FAM13A: variants seen among roughly 807,000 people sequenced by gnomAD.
FAM13A encodes the protein protein FAM13A.
FAM13A carries 76 observed loss-of-function variants against 129.6 expected under a neutral mutation model. That is an observed-to-expected ratio of 0.59 (90% CI 0.49 to 0.71). The LOEUF is 0.71. Among genes scored for constraint, FAM13A ranks in the 30% least tolerant of loss-of-function variants. FAM13A has a pLI of 0.00. For synonymous variants in FAM13A, 443 were observed against 449.9 expected (o/e 0.98, Z 0.20); for missense variants, 1,108 against 1,249.3 (o/e 0.89, Z 1.70).
chr4:89,036,041 C>T (rs950941747), intron 1 of FAM13A, among the ~76,000 whole-genome samples: 3 of 152,100 alleles, frequency 2.0e-5, no homozygotes, highest in South Asian at 2.1e-4. Context: ...GTGGGCATTG[C>T]TATAAAGATA....
At chr4:88,792,669 C>T (rs1407544088) in intron 8 of FAM13A, among the ~76,000 whole-genome samples, 5 of 152,084 alleles carry the variant, frequency 3.3e-5, no homozygotes, top group Admixed American at 6.6e-5. Context: ...AGTAATGACT[C>T]GGGGAAAACC....
intron 5 of FAM13A, among the ~76,000 whole-genome samples, chr4:88,932,751 G>A (rs1222506184): frequency 6.6e-6 from 1 of 152,114 alleles, no homozygotes. Flanking sequence ...ACAAAAAAAT[G>A]AGCTTTGTGG....
intron 2 of FAM13A, among the ~76,000 whole-genome samples, chr4:89,023,698 G>A (rs1767581935): frequency 6.6e-6 from 1 of 152,014 alleles, no homozygotes; most frequent in Non-Finnish European, 1.5e-5. Context: ...TTTCCCTCAG[G>A]ATTATCTCCC....
At chr4:88,833,331 A>G (rs1052271686) in intron 7 of FAM13A, among the ~76,000 whole-genome samples, 1 of 152,156 alleles carries the variant, frequency 6.6e-6, no homozygotes, top group African/African-American at 2.4e-5. Context: ...ACGTTTACCT[A>G]TATAAACCTG....
intron 7 of FAM13A, among the ~76,000 whole-genome samples, chr4:88,848,983 T>C (rs115868228): frequency 6.6e-6 from 1 of 152,186 alleles, no homozygotes; most frequent in Non-Finnish European, 1.5e-5. Context: ...GGCACCCTTA[T>C]CTCTATTTCC....
At chr4:88,949,024 AT>A (rs1037940676) in intron 4 of FAM13A, among the ~76,000 whole-genome samples, 1 of 152,212 alleles carries the variant, frequency 6.6e-6, no homozygotes, top group African/African-American at 2.4e-5. Flanking sequence ...GCTTCTAGAC[AT>A]TCTTTCTACC....
In FAM13A at chr4:89,011,508, C is replaced by T. The variant is rs566341290; in HGVS notation, c.427+8952G>A. Among the ~76,000 whole-genome samples, 4 of 152,266 alleles carry T rather than the reference C, an allele frequency of 2.6e-5. No individual in the cohort carries two copies. The East Asian group carries it at 7.7e-4, about 29-fold the overall frequency. On this transcript the variant is annotated intron_variant, in intron 3 of 23. Coordinates refer to ENST00000264344, the MANE Select transcript of FAM13A (RefSeq NM_014883.4). ...AGCATCTTCCCATCTAACCATCTTA[C>T]ACAGCACTGCCTAACATACTGCTTC...
intron 7 of FAM13A, among the ~76,000 whole-genome samples, chr4:88,815,309 A>C (rs925911496): frequency 6.6e-6 from 1 of 152,114 alleles, no homozygotes; most frequent in East Asian, 1.9e-4. Context: ...GGCTTCTCCT[A>C]TCTTATTTTT....
intron 6 of FAM13A, among the ~76,000 whole-genome samples, chr4:88,902,631 G>A (rs944563892): frequency 2.0e-5 from 3 of 152,088 alleles, no homozygotes; most frequent in Non-Finnish European, 2.9e-5. Context: ...AGCCATATAT[G>A]ACAAACCCAC....
chr4:88,897,968 CA>C (rs1248085752), intron 6 of FAM13A, among the ~76,000 whole-genome samples: 1 of 152,088 alleles, frequency 6.6e-6, no homozygotes, highest in Non-Finnish European at 1.5e-5. Context: ...AAGCTAGTCA[CA>C]AACCAAGACT....
intron 11 of FAM13A, among the ~76,000 whole-genome samples, chr4:88,777,841 G>A (rs568734378): frequency 2.0e-5 from 3 of 152,178 alleles, no homozygotes; most frequent in South Asian, 4.2e-4. Context: ...AGATCACCAG[G>A]GAGCGACATT....
chr4:88,910,753 G>A (rs1056859544), intron 5 of FAM13A, among the ~76,000 whole-genome samples: 3 of 151,662 alleles, frequency 2.0e-5, no homozygotes, highest in Non-Finnish European at 4.4e-5. Context: ...GGGTTCAAGC[G>A]ATTCTCCTGC....
intron 1 of FAM13A, among the ~76,000 whole-genome samples, chr4:89,048,037 G>C (rs1466476902): frequency 6.6e-6 from 1 of 152,124 alleles, no homozygotes; most frequent in Non-Finnish European, 1.5e-5. Flanking sequence ...TCACTGGTGA[G>C]AACATAAAAT....
chr4:88,747,733 C>T lies in FAM13A; in HGVS notation c.2280G>A (p.Leu760=), dbSNP rs781285112. 3.1e-6 allele frequency: 5 copies of T among 1,614,154 alleles called. No individual in the cohort carries two copies. In the East Asian group the frequency reaches 6.7e-5, roughly 22 times the overall value. ...CACTGGGCTTTATTGCTTTATCCAC[C>T]AGCTCTTGCTTCTTCTCATCTTCTT... is the stretch of plus-strand genomic sequence containing the variant. ...LEKEDEKKQE[L]VDKAIKPSVE... is the part of the protein sequence containing the mutation. The change falls in exon 18 of 24, where the codon CTG becomes CTA. Residue 760 remains leucine (L), a synonymous_variant. Coordinates refer to ENST00000264344, the MANE Select transcript of FAM13A (RefSeq NM_014883.4).
intron 6 of FAM13A, among the ~76,000 whole-genome samples, chr4:88,873,426 C>G (rs1398738439): frequency 2.6e-5 from 4 of 152,200 alleles, no homozygotes; most frequent in Admixed American, 2.6e-4. Context: ...AGAGAAGAAT[C>G]AAATAGATGC....
Position 88,848,061 on chromosome 4 carries a change from A to G in FAM13A, c.1007+2959T>C, listed in dbSNP as rs111561311. Among the ~76,000 whole-genome samples, 636 of 152,330 alleles carry G rather than the reference A, an allele frequency of 4.2e-3. 6 individuals are homozygous for G. The highest frequency in any genetic ancestry group is 0.014 in the African/African-American group (591 of 41,570). On this transcript the variant is annotated intron_variant, in intron 7 of 23. Coordinates refer to ENST00000264344, the MANE Select transcript of FAM13A (RefSeq NM_014883.4). ...TTACAAGGTAATCTGGCAAAATAAC[A>G]TTGACACTAGCTCTTGTCACCTAGC...
chr4:88,830,162 G>A (rs536970893), intron 7 of FAM13A, among the ~76,000 whole-genome samples: 16 of 152,286 alleles, frequency 1.1e-4, no homozygotes, highest in African/African-American at 3.6e-4. Context: ...TGTGGTGCAG[G>A]TGGGGTGTTA....
intron 2 of FAM13A, among the ~76,000 whole-genome samples, chr4:89,022,260 T>TG (rs1489873234): frequency 6.6e-6 from 1 of 152,174 alleles, no homozygotes; most frequent in East Asian, 1.9e-4. Flanking sequence ...TTTAAGTTCT[T>TG]TAATTCAACA....
chr4:88,833,834 T>C (rs896646219), intron 7 of FAM13A, among the ~76,000 whole-genome samples: 2 of 151,990 alleles, frequency 1.3e-5, no homozygotes, highest in Non-Finnish European at 2.9e-5. Flanking sequence ...TGCAGTGAGC[T>C]GAGATCACGC....
Sources: gnomAD v4.1 joint callset for allele counts (sites outside exome capture counted in the v4.1 genomes callset) on GRCh38, gnomAD v4.1.1 for gene constraint, MANE v1.5 for transcripts, NCBI Gene and HGNC (gene_info 2026-07-23, HGNC 2026-07-21) for gene names.